Variants in PIK3R3 observed in about 807,000 individuals in gnomAD.
PIK3R3 encodes the protein phosphatidylinositol 3-kinase regulatory subunit gamma.
Under a neutral mutation model 62.9 loss-of-function variants are expected in PIK3R3, and 64 were observed. That is an observed-to-expected ratio of 1.02 (90% CI 0.83 to 1.25). The LOEUF (loss-of-function observed/expected upper bound fraction) is 1.25, where lower values mean the gene tolerates loss of function less well. Among genes scored for constraint, PIK3R3 ranks in the 50% most tolerant of loss-of-function variants. The probability of loss-of-function intolerance (pLI) is 0.00; values close to 1 mark genes in which losing one functional copy is unlikely to be tolerated. For missense variants in PIK3R3, 614 were observed against 561.6 expected, an observed-to-expected ratio of 1.09 and a Z score of -0.94; for synonymous variants, 165 against 189.0, an observed-to-expected ratio of 0.87 and a Z score of 1.04.
chr1:46,157,659 C>G, the PIK3R3 span, among the ~76,000 whole-genome samples: 1 of 152,222 alleles, frequency 6.6e-6, no homozygotes, highest in East Asian at 1.9e-4. Context: ...GCTCCTCTCG[C>G]TGCAGTGAAG....
intron 2 of PIK3R3, 44 bp from the exon 3 acceptor site, chr1:46,077,657 G>GCCGAAGCCACCA: frequency 2.4e-6 from 3 of 1,237,244 alleles, no homozygotes; most frequent in Non-Finnish European, 3.6e-6. Context: ...TGTCAACACT[G>GCCGAAGCCACCA]GTGGCTTCGG....
chr1:46,077,590 C>G lies in PIK3R3; in HGVS notation c.239G>C (p.Arg80Pro), dbSNP rs761492767. The G allele has an allele frequency of 6.2e-7, 1 of 1,609,328 alleles. No individual in the cohort carries two copies. ...ISREEVNDKL[R>P]DMPDGTFLVR... ...CAAGAAGGTCCCATCTGGCATATCC[C>G]GCAATTTGTCATTTACCTCCTCCCT... Residue 80 changes from arginine to proline, a missense_variant, in exon 3 of 10, where the codon CGG (arginine) becomes CCG (proline). Transcript: ENST00000262741.
At chr1:46,079,387 T>A (rs1650369065) in intron 2 of PIK3R3, among the ~76,000 whole-genome samples, 1 of 152,150 alleles carries the variant, frequency 6.6e-6, no homozygotes, top group South Asian at 2.1e-4. Context: ...TGTCCTAGAG[T>A]CCTGTTTATC....
At chr1:46,128,607 G>A (rs1056199638) in intron 1 of PIK3R3, among the ~76,000 whole-genome samples, 5 of 152,170 alleles carry the variant, frequency 3.3e-5, no homozygotes, top group African/African-American at 1.2e-4. Flanking sequence ...AGACTAGAAG[G>A]AAACAATGTT....
chr1:46,172,711 G>T, the PIK3R3 span, among the ~76,000 whole-genome samples: 1 of 152,090 alleles, frequency 6.6e-6, no homozygotes, highest in African/African-American at 2.4e-5. Flanking sequence ...CAGGGGAAAG[G>T]GCTGAGCCAG....
the PIK3R3 span, among the ~76,000 whole-genome samples, chr1:46,144,549 C>T: frequency 2.0e-5 from 3 of 152,154 alleles, no homozygotes; most frequent in African/African-American, 7.2e-5. Flanking sequence ...GCGGGCGAAT[C>T]GCAAGGTCAA....
chr1:46,099,243 A>G (rs1167419751), intron 1 of PIK3R3, among the ~76,000 whole-genome samples: 1 of 152,238 alleles, frequency 6.6e-6, no homozygotes, highest in Non-Finnish European at 1.5e-5. Flanking sequence ...AAGTTGTAAT[A>G]AAACACAAAA....
chr1:46,068,714 CA>C (rs1649228538), intron 3 of PIK3R3, among the ~76,000 whole-genome samples: 1 of 152,094 alleles, frequency 6.6e-6, no homozygotes, highest in Admixed American at 6.6e-5. Context: ...GTTCGAGGAA[CA>C]GCAAGAAGGC....
chr1:46,125,144 G>C (rs1353901357), intron 1 of PIK3R3, among the ~76,000 whole-genome samples: 1 of 151,914 alleles, frequency 6.6e-6, no homozygotes, highest in African/African-American at 2.4e-5. Context: ...AAAGCATTCA[G>C]CATCAAAACA....
chr1:46,058,426 A>G (rs1183895681), intron 6 of PIK3R3, among the ~76,000 whole-genome samples: 1 of 152,246 alleles, frequency 6.6e-6, no homozygotes, highest in Non-Finnish European at 1.5e-5. Flanking sequence ...TTGTAGATTC[A>G]TTGACAGCTT....
intron 2 of PIK3R3, among the ~76,000 whole-genome samples, chr1:46,078,877 A>C (rs1363215248): frequency 1.3e-5 from 2 of 152,222 alleles, no homozygotes; most frequent in African/African-American, 4.8e-5. Flanking sequence ...CAGTCACAAA[A>C]GTACAATTAT....
intron 1 of PIK3R3, among the ~76,000 whole-genome samples, chr1:46,127,040 A>T (rs544277239): frequency 6.6e-6 from 1 of 152,018 alleles, no homozygotes; most frequent in South Asian, 2.1e-4. Flanking sequence ...TTGCTGCCCT[A>T]AAGATAATTT....
At chr1:46,131,696 CAGA>C (rs1557642593) in intron 1 of PIK3R3, 148 bp downstream of exon 1, 1 of 570,328 alleles carries the variant, frequency 1.8e-6, no homozygotes, top group South Asian at 1.4e-5. Context: ...ACGTGTAAAC[CAGA>C]AGCAGTTTTA....
At chr1:46,135,543 G>GT (rs1479420647), upstream of PIK3R3, among the ~76,000 whole-genome samples, 9 of 152,142 alleles carry the variant, frequency 5.9e-5, no homozygotes, top group East Asian at 1.7e-3. Context: ...CCCTGGTATG[G>GT]TTTTTTTCTG....
intron 1 of PIK3R3, among the ~76,000 whole-genome samples, chr1:46,122,805 G>A (rs1354582814): frequency 6.6e-6 from 1 of 151,978 alleles, no homozygotes; most frequent in Non-Finnish European, 1.5e-5. Context: ...ATCTTCATAA[G>A]TTTAGAGGTC....
At chr1:46,119,845 A>C (rs1252975506) in intron 1 of PIK3R3, among the ~76,000 whole-genome samples, 2 of 148,176 alleles carry the variant, frequency 1.3e-5, no homozygotes, top group Non-Finnish European at 3.0e-5. Context: ...TGGTATAATC[A>C]CAGCTCAGCG....
At chr1:46,068,491 A>T (rs1214006033) in intron 3 of PIK3R3, among the ~76,000 whole-genome samples, 1 of 152,252 alleles carries the variant, frequency 6.6e-6, no homozygotes, top group Non-Finnish European at 1.5e-5. Context: ...ACAACTAAAT[A>T]TACCAAATAG....
chr1:46,104,272 C>A (rs192447338), intron 1 of PIK3R3, among the ~76,000 whole-genome samples: 388 of 152,180 alleles, frequency 2.5e-3, no homozygotes, highest in Admixed American at 5.5e-3. Context: ...GGAAATCGTA[C>A]GGGCCTAGAA....
the PIK3R3 span, among the ~76,000 whole-genome samples, chr1:46,168,196 C>T: frequency 1.3e-5 from 2 of 151,976 alleles, no homozygotes; most frequent in African/African-American, 4.8e-5. Flanking sequence ...AAAAAAATAC[C>T]TATGCTATCT....
Sources: gnomAD v4.1 joint callset for allele counts (sites outside exome capture counted in the v4.1 genomes callset) on GRCh38, gnomAD v4.1.1 for gene constraint, MANE v1.5 for transcripts, NCBI Gene and HGNC (gene_info 2026-07-23, HGNC 2026-07-21) for gene names.